IQCM: variants seen among roughly 807,000 people sequenced by gnomAD.
The protein encoded by IQCM is IQ motif containing M.
IQCM carries 45 observed loss-of-function variants against 57.6 expected under a neutral mutation model. That is an observed-to-expected ratio of 0.78 (90% CI 0.62 to 1.00). IQCM has a LOEUF of 1.00. IQCM is among the 50% of genes least tolerant of loss of function. The pLI, the probability that IQCM is intolerant of heterozygous loss-of-function variation, is 0.00. For missense variants in IQCM, 468 were observed against 511.6 expected (o/e 0.91, Z 0.82); for synonymous variants, 148 against 158.9 (o/e 0.93, Z 0.51).
chr4:149,776,306 G>C (rs997731611), intron 2 of IQCM, among the ~76,000 whole-genome samples: 11 of 152,030 alleles, frequency 7.2e-5, no homozygotes, highest in Admixed American at 5.9e-4. Context: ...AAAGATATGA[G>C]ATCAATAACA....
At chr4:149,611,847 T>C (rs1755322747) in intron 8 of IQCM, among the ~76,000 whole-genome samples, 1 of 151,854 alleles carries the variant, frequency 6.6e-6, no homozygotes, top group African/African-American at 2.4e-5. Context: ...AACTGGAATG[T>C]TCCTAACATA....
intron 9 of IQCM, among the ~76,000 whole-genome samples, chr4:149,579,080 T>C (rs1226855901): frequency 1.3e-5 from 2 of 151,872 alleles, no homozygotes; most frequent in African/African-American, 2.4e-5. Context: ...AGAGAACTTA[T>C]GTGTGTTCTG....
chr4:149,353,443 A>G (rs1338725656), intron 13 of IQCM, among the ~76,000 whole-genome samples: 1 of 152,208 alleles, frequency 6.6e-6, no homozygotes, highest in African/African-American at 2.4e-5. Context: ...CATATACCCA[A>G]AGGAAATGAA....
At chr4:149,695,140 A>G (rs1294560943) in intron 5 of IQCM, among the ~76,000 whole-genome samples, 1 of 152,168 alleles carries the variant, frequency 6.6e-6, no homozygotes, top group Non-Finnish European at 1.5e-5. Flanking sequence ...TAGAATGCCA[A>G]TTCCTCACTA....
intron 13 of IQCM, among the ~76,000 whole-genome samples, chr4:149,359,773 A>T (rs1729343532): frequency 6.6e-6 from 1 of 152,204 alleles, no homozygotes; most frequent in Admixed American, 6.5e-5. Flanking sequence ...ATTCAAGGTT[A>T]TATATCATTC....
intron 5 of IQCM, among the ~76,000 whole-genome samples, chr4:149,699,144 T>A (rs370737909): frequency 6.6e-6 from 1 of 152,212 alleles, no homozygotes; most frequent in African/African-American, 2.4e-5. Flanking sequence ...ATATGTAAAC[T>A]TTTAGTAATA....
At chr4:149,476,065 G>T (rs1740151108) in intron 12 of IQCM, among the ~76,000 whole-genome samples, 1 of 152,002 alleles carries the variant, frequency 6.6e-6, no homozygotes, top group African/African-American at 2.4e-5. Flanking sequence ...GAAACATCCA[G>T]TAAAAAGAAA....
At position 149,705,652 on chromosome 4, in the gene IQCM, T is replaced by C. The variant is rs558114964; in HGVS notation, c.386-19184A>G. Among the ~76,000 whole-genome samples, 4 of 152,016 alleles carry C rather than the reference T, an allele frequency of 2.6e-5. No homozygotes were observed. The South Asian group carries it at 8.3e-4, about 31-fold the overall frequency. ...AGCAAAGATTCGAATTCAGTATCTC[T>C]CTAGCACACATATACCTGCACACAC... On this transcript the variant is annotated intron_variant, in intron 5 of 13. Transcript: ENST00000636793.
At chr4:149,586,763 A>G (rs1752683031) in intron 9 of IQCM, among the ~76,000 whole-genome samples, 1 of 151,672 alleles carries the variant, frequency 6.6e-6, no homozygotes, top group Admixed American at 6.6e-5. Flanking sequence ...ATTCTTTTGT[A>G]TAGCTTTTAT....
At chr4:149,721,518 A>C (rs937119382) in intron 5 of IQCM, among the ~76,000 whole-genome samples, 2 of 152,064 alleles carry the variant, frequency 1.3e-5, no homozygotes, top group African/African-American at 4.8e-5. Flanking sequence ...AGCTTAGCTC[A>C]GGCTTATAAG....
At chr4:149,625,829 G>A (rs1228944376) in intron 7 of IQCM, among the ~76,000 whole-genome samples, 1 of 151,980 alleles carries the variant, frequency 6.6e-6, no homozygotes, top group Non-Finnish European at 1.5e-5. Context: ...GCATACCAAG[G>A]CACCACATTT....
intron 10 of IQCM, among the ~76,000 whole-genome samples, chr4:149,559,723 T>C (rs1749936870): frequency 6.6e-6 from 1 of 152,158 alleles, no homozygotes; most frequent in South Asian, 2.1e-4. Context: ...TGAACATAGG[T>C]CTCCAGGTAC....
intron 7 of IQCM, among the ~76,000 whole-genome samples, chr4:149,655,359 A>T (rs1459986601): frequency 6.6e-6 from 1 of 152,158 alleles, no homozygotes; most frequent in Non-Finnish European, 1.5e-5. Flanking sequence ...ACATCCCACA[A>T]GTCTCTCTTA....
chr4:149,453,047 A>T (rs1420052352), intron 12 of IQCM, among the ~76,000 whole-genome samples: 1 of 151,698 alleles, frequency 6.6e-6, no homozygotes, highest in Non-Finnish European at 1.5e-5. Flanking sequence ...GTAAAAAAAA[A>T]AAATGACAAA....
intron 3 of IQCM, among the ~76,000 whole-genome samples, chr4:149,742,082 T>C (rs906697026): frequency 5.9e-5 from 9 of 152,098 alleles, no homozygotes; most frequent in African/African-American, 1.9e-4. Context: ...ATAGAATATT[T>C]TATTTAAATA....
intron 2 of IQCM, among the ~76,000 whole-genome samples, chr4:149,805,926 T>G (rs1774039282): frequency 6.6e-6 from 1 of 151,972 alleles, no homozygotes. Context: ...ATTTGTTTTT[T>G]GATGTTAATA....
chr4:149,567,023 G>C (rs559271387), intron 9 of IQCM, among the ~76,000 whole-genome samples: 2 of 152,200 alleles, frequency 1.3e-5, no homozygotes, highest in East Asian at 3.9e-4. Context: ...TATCACTTTT[G>C]TTACACTGAC....
At chr4:149,488,920 T>C (rs1036861749) in intron 12 of IQCM, among the ~76,000 whole-genome samples, 1 of 152,108 alleles carries the variant, frequency 6.6e-6, no homozygotes, top group Non-Finnish European at 1.5e-5. Context: ...GACCTTTTGA[T>C]GACATGAATG....
At chr4:149,396,964 T>G (rs528015563) in intron 13 of IQCM, among the ~76,000 whole-genome samples, 41 of 152,174 alleles carry the variant, frequency 2.7e-4, no homozygotes, top group Admixed American at 1.8e-3. Context: ...ACATTTAGGT[T>G]GTTTCCACAT....
Sources: gnomAD v4.1 joint callset for allele counts (sites outside exome capture counted in the v4.1 genomes callset) on GRCh38, gnomAD v4.1.1 for gene constraint, MANE v1.5 for transcripts, NCBI Gene and HGNC (gene_info 2026-07-23, HGNC 2026-07-21) for gene names.